NAV3: variants seen among roughly 807,000 people sequenced by gnomAD.
NAV3 encodes pore membrane and/or filament interacting like protein 1.
In NAV3, 87 loss-of-function variants were observed where a neutral mutation model predicts 244.7. The observed-to-expected ratio is 0.36, with a 90% CI of 0.30 to 0.42. NAV3 has a LOEUF of 0.42. NAV3 is among the 20% of genes least tolerant of loss of function. The probability of loss-of-function intolerance (pLI) is 1.00; values close to 1 mark genes in which losing one functional copy is unlikely to be tolerated. For synonymous variants in NAV3, 1,126 were observed against 1,042.2 expected (o/e 1.08, Z -1.55); for missense variants, 2,663 against 2,893.3 (o/e 0.92, Z 1.83).
At chr12:78,188,853 G>T in intron 33 of NAV3, 76 bp downstream of exon 33, 3 of 1,401,108 alleles carry the variant, frequency 2.1e-6, no homozygotes, top group South Asian at 1.4e-5. Flanking sequence ...CCCCTTTTTG[G>T]CCAGTTTCCC....
intron 2 of NAV3, among the ~76,000 whole-genome samples, chr12:77,740,091 A>G (rs1004414166): frequency 1.9e-4 from 29 of 152,206 alleles, no homozygotes; most frequent in East Asian, 3.8e-4. Flanking sequence ...AATGTTGGCA[A>G]TTCTTTCAAT....
chr12:78,167,706 G>A (rs958400845), intron 23 of NAV3, among the ~76,000 whole-genome samples: 4 of 151,428 alleles, frequency 2.6e-5, no homozygotes, highest in Non-Finnish European at 3.0e-5. Flanking sequence ...TGCCAAAGAT[G>A]CTGAAGGCAG....
At chr12:78,037,509 G>T in intron 9 of NAV3, 3 of 585,982 alleles carry the variant, frequency 5.1e-6, no homozygotes, top group Non-Finnish European at 9.1e-6. Flanking sequence ...AAAATACATA[G>T]TTACATTTTA....
chr12:77,662,156 T>G (rs190684816), intron 2 of NAV3, among the ~76,000 whole-genome samples: 1 of 151,976 alleles, frequency 6.6e-6, no homozygotes, highest in African/African-American at 2.4e-5. Flanking sequence ...CTTAACGATA[T>G]TGAGTCTTGA....
At chr12:77,893,586 AC>A (rs1175273302) in intron 1 of NAV3, among the ~76,000 whole-genome samples, 2 of 151,634 alleles carry the variant, frequency 1.3e-5, no homozygotes, top group Non-Finnish European at 2.9e-5. Context: ...AGATAGCCAA[AC>A]TAAAAAAAAA....
At chr12:77,720,158 T>A (rs1028794977) in intron 2 of NAV3, among the ~76,000 whole-genome samples, 177 of 3,898 alleles carry the variant, frequency 0.045, 1 homozygote, top group African/African-American at 0.05. Flanking sequence ...CTTGAGTTTC[T>A]CTCTCTCTCT....
intron 1 of NAV3, among the ~76,000 whole-genome samples, chr12:77,899,087 A>G (rs1005544364): frequency 1.3e-5 from 2 of 152,224 alleles, no homozygotes; most frequent in African/African-American, 4.8e-5. Context: ...TAACACTTGA[A>G]CAGATGAGGA....
chr12:78,123,559 C>T (rs1289608796), intron 16 of NAV3, among the ~76,000 whole-genome samples: 3 of 152,074 alleles, frequency 2.0e-5, no homozygotes, highest in Non-Finnish European at 4.4e-5. Context: ...CAGAGCAAAA[C>T]ATTGCTTCTT....
chr12:77,662,217 A>ATATCTATCTATC (rs1011842257), intron 2 of NAV3, among the ~76,000 whole-genome samples: 32 of 105,826 alleles, frequency 3.0e-4, no homozygotes, highest in African/African-American at 9.9e-4. Context: ...ATATATCTTC[A>ATATCTATCTATC]TATCTATCTG....
At chr12:77,807,160 A>G (rs907567038) in intron 2 of NAV3, among the ~76,000 whole-genome samples, 1 of 152,202 alleles carries the variant, frequency 6.6e-6, no homozygotes, top group African/African-American at 2.4e-5. Flanking sequence ...TAATTGGTGC[A>G]TTTAACCCAT....
intron 1 of NAV3, among the ~76,000 whole-genome samples, chr12:77,905,755 C>T (rs1022430937): frequency 1.3e-5 from 2 of 152,010 alleles, no homozygotes; most frequent in African/African-American, 2.4e-5. Context: ...TTTACTAAAA[C>T]GTGTATTAAA....
chr12:78,008,978 A>G (rs776609065), intron 8 of NAV3, among the ~76,000 whole-genome samples: 1 of 152,222 alleles, frequency 6.6e-6, no homozygotes, highest in Non-Finnish European at 1.5e-5. Flanking sequence ...GATTACAAAT[A>G]TATTCTGTAA....
intron 2 of NAV3, among the ~76,000 whole-genome samples, chr12:77,582,601 A>G (rs764463864): frequency 6.6e-6 from 1 of 152,232 alleles, no homozygotes; most frequent in Non-Finnish European, 1.5e-5. Flanking sequence ...ACACAAAGAA[A>G]ATTCATCAAC....
At chr12:78,201,405 C>T (rs1411385106) in intron 38 of NAV3, among the ~76,000 whole-genome samples, 1 of 151,818 alleles carries the variant, frequency 6.6e-6, no homozygotes, top group Non-Finnish European at 1.5e-5. Flanking sequence ...GGATCCTTTA[C>T]TATTTTGGAG....
chr12:78,184,162 G>A (rs1335097590), intron 30 of NAV3, among the ~76,000 whole-genome samples: 1 of 151,836 alleles, frequency 6.6e-6, no homozygotes, highest in Non-Finnish European at 1.5e-5. Context: ...AAAAAAACAA[G>A]GAATTCACTT....
chr12:78,129,018 T>C (rs1956049595), intron 18 of NAV3, 152 bp downstream of exon 18: 3 of 699,748 alleles, frequency 4.3e-6, no homozygotes, highest in South Asian at 2.0e-5. Context: ...CATTGTTTAC[T>C]CTTCACAGAA....
Position 78,210,443 on chromosome 12 carries a change from A to C in NAV3, c.7084A>C (p.Thr2362Pro), listed in dbSNP as rs2140139369. 1 of 1,613,826 alleles carries C rather than the reference A, an allele frequency of 6.2e-7. No individual in the cohort carries two copies. Residue 2362 changes from threonine (T) to proline (P), a missense_variant, in exon 40 of 40, where the codon ACA (threonine) becomes CCA (proline). Transcript: ENST00000397909. ...CCAAGAAGCAGCCAATTACTCGAGC[A>C]CACAAAGCTGCGACAGCGAAAGCAC... ...KLQEAANYSS[T>P]QSCDSESTSH...
intron 2 of NAV3, among the ~76,000 whole-genome samples, chr12:77,755,361 T>G (rs1367057705): frequency 6.6e-6 from 1 of 152,178 alleles, no homozygotes; most frequent in Non-Finnish European, 1.5e-5. Context: ...TCTTTGCTCA[T>G]TCATACCTAC....
intron 5 of NAV3, among the ~76,000 whole-genome samples, chr12:77,986,820 G>A (rs1870594676): frequency 6.6e-6 from 1 of 152,088 alleles, no homozygotes; most frequent in South Asian, 2.1e-4. Flanking sequence ...TGAACAATAA[G>A]GGCTGTTTGA....
Sources: gnomAD v4.1 joint callset for allele counts (sites outside exome capture counted in the v4.1 genomes callset) on GRCh38, gnomAD v4.1.1 for gene constraint, MANE v1.5 for transcripts, NCBI Gene and HGNC (gene_info 2026-07-23, HGNC 2026-07-21) for gene names.